Variants in MECOM observed in about 807,000 individuals in gnomAD.
MECOM encodes the protein MDS1 and EVI1 complex locus, also known as histone-lysine N-methyltransferase MECOM.
MECOM carries 13 observed loss-of-function variants against 116.3 expected under a neutral mutation model. That is an observed-to-expected ratio of 0.11 (90% CI 0.07 to 0.18). The LOEUF is 0.18. MECOM is among the 10% of genes least tolerant of loss of function. The pLI is 1.00. For synonymous variants in MECOM, 528 were observed against 535.2 expected, an observed-to-expected ratio of 0.99 and a Z score of 0.19; for missense variants, 1,299 against 1,509.0, an observed-to-expected ratio of 0.86 and a Z score of 2.31.
intron 1 of MECOM, among the ~76,000 whole-genome samples, chr3:169,451,761 C>T (rs903279915): frequency 1.6e-4 from 24 of 152,072 alleles, no homozygotes; most frequent in Admixed American, 1.2e-3. Context: ...AAATTTCTAT[C>T]GCTTAGTGAG....
At chr3:169,247,485 G>A (rs1299534012) in intron 2 of MECOM, among the ~76,000 whole-genome samples, 1 of 152,144 alleles carries the variant, frequency 6.6e-6, no homozygotes, top group African/African-American at 2.4e-5. Flanking sequence ...TGTATTTTTA[G>A]TAGAGACAGG....
intron 3 of MECOM, chr3:169,131,790 A>G: frequency 1.4e-6 from 1 of 705,680 alleles, no homozygotes; most frequent in African/African-American, 1.8e-5. Context: ...AATTTTCTTA[A>G]TGCAAGGCTA....
At chr3:169,571,000 A>T (rs1490344951) in intron 1 of MECOM, among the ~76,000 whole-genome samples, 1 of 152,204 alleles carries the variant, frequency 6.6e-6, no homozygotes, top group South Asian at 2.1e-4. Flanking sequence ...GCAATCAGGC[A>T]AGAGAAAGAA....
At chr3:169,173,816 C>T (rs2149378308) in intron 2 of MECOM, among the ~76,000 whole-genome samples, 1 of 152,322 alleles carries the variant, frequency 6.6e-6, no homozygotes, top group East Asian at 1.9e-4. Context: ...TGACTACCTA[C>T]ACTGACGGGC....
chr3:169,501,885 C>T (rs16853852), intron 1 of MECOM, among the ~76,000 whole-genome samples: 4,431 of 152,114 alleles, frequency 0.029, 80 homozygotes, highest in African/African-American at 0.049. Flanking sequence ...GAAGTAGCTA[C>T]ACAACATGAT....
At chr3:169,106,187 T>G (rs1023331841) in intron 10 of MECOM, among the ~76,000 whole-genome samples, 1 of 152,302 alleles carries the variant, frequency 6.6e-6, no homozygotes, top group South Asian at 2.1e-4. Flanking sequence ...TTGATAATCT[T>G]GAGAAATCTC....
intron 2 of MECOM, among the ~76,000 whole-genome samples, chr3:169,159,813 G>A (rs940981739): frequency 2.6e-5 from 4 of 152,284 alleles, no homozygotes; most frequent in Non-Finnish European, 5.9e-5. Context: ...TGCTTGGGGT[G>A]TGACATATGT....
At position 169,328,645 on chromosome 3, in the gene MECOM, G is replaced by C. The variant is rs141370457; in HGVS notation, c.375+52542C>G. On this transcript the variant is annotated intron_variant, in intron 2 of 16. Transcript: ENST00000651503. ...ATTATTGGATCACTGAATGCAATAT[G>C]AATTAAATGTTGTAGAAAAAGCTGA... Among the ~76,000 whole-genome samples, 731 of 152,278 alleles carry C rather than the reference G, an allele frequency of 4.8e-3. 5 individuals carry two copies. The highest frequency in any genetic ancestry group is 0.016 in the African/African-American group (678 of 41,570).
At chr3:169,490,550 G>A (rs2108914574) in intron 1 of MECOM, among the ~76,000 whole-genome samples, 1 of 152,260 alleles carries the variant, frequency 6.6e-6, no homozygotes, top group South Asian at 2.1e-4. Flanking sequence ...TATCATCATG[G>A]ATTAATCTCA....
intron 5 of MECOM, among the ~76,000 whole-genome samples, chr3:169,124,591 A>G (rs1732197267): frequency 6.6e-6 from 1 of 151,958 alleles, no homozygotes; most frequent in African/African-American, 2.4e-5. Flanking sequence ...TATTGAACTT[A>G]TGTTTTTAAG....
At chr3:169,470,766 A>G (rs899597743) in intron 1 of MECOM, among the ~76,000 whole-genome samples, 2 of 152,154 alleles carry the variant, frequency 1.3e-5, no homozygotes, top group Non-Finnish European at 2.9e-5. Flanking sequence ...TGGTGTATCT[A>G]TCATCTAGAA....
chr3:169,477,101 G>GTATATATA (rs1560326556), intron 1 of MECOM: 6 of 51,622 alleles, frequency 1.2e-4, no homozygotes, highest in East Asian at 2.3e-3. Flanking sequence ...GTGTGTGTGT[G>GTATATATA]TGTGTATATA....
intron 1 of MECOM, among the ~76,000 whole-genome samples, chr3:169,472,005 T>G (rs1261465241): frequency 6.6e-6 from 1 of 152,124 alleles, no homozygotes; most frequent in African/African-American, 2.4e-5. Flanking sequence ...TGTCTGGAAT[T>G]CTAAAATATA....
At chr3:169,234,699 C>G (rs1330026357) in intron 2 of MECOM, among the ~76,000 whole-genome samples, 1 of 152,144 alleles carries the variant, frequency 6.6e-6, no homozygotes, top group East Asian at 1.9e-4. Flanking sequence ...TTGTCATTGG[C>G]TGTTATTCCT....
intron 1 of MECOM, among the ~76,000 whole-genome samples, chr3:169,529,129 A>C (rs993032902): frequency 3.3e-5 from 5 of 152,164 alleles, no homozygotes; most frequent in Non-Finnish European, 7.3e-5. Flanking sequence ...ACATTCCCTG[A>C]ATCCAGACAC....
intron 1 of MECOM, among the ~76,000 whole-genome samples, chr3:169,481,194 C>T (rs1751226952): frequency 6.6e-6 from 1 of 152,130 alleles, no homozygotes; most frequent in South Asian, 2.1e-4. Context: ...CGGTCATGGA[C>T]ATTAGCCAAT....
intron 7 of MECOM, among the ~76,000 whole-genome samples, chr3:169,118,414 G>C (rs983360374): frequency 6.6e-6 from 1 of 152,018 alleles, no homozygotes; most frequent in East Asian, 1.9e-4. Context: ...AGCTTTAAAA[G>C]TATATACAAT....
chr3:169,404,539 A>G (rs1736368270), intron 1 of MECOM, among the ~76,000 whole-genome samples: 1 of 152,232 alleles, frequency 6.6e-6, no homozygotes. Context: ...CTTTAAAAGT[A>G]TAGTACAGTG....
chr3:169,624,884 A>ATTT (rs1375016171), intron 1 of MECOM, among the ~76,000 whole-genome samples: 1 of 152,046 alleles, frequency 6.6e-6, no homozygotes, highest in Non-Finnish European at 1.5e-5. Context: ...ATGCGTGTGT[A>ATTT]TTTTTACCAG....
Sources: allele counts gnomAD v4.1 joint callset (sites outside exome capture counted in the v4.1 genomes callset), GRCh38; gene constraint gnomAD v4.1.1; transcripts MANE v1.5; gene names NCBI Gene and HGNC (gene_info 2026-07-23, HGNC 2026-07-21).